Variants in ARHGAP32 observed in about 807,000 individuals in gnomAD.
ARHGAP32 encodes the protein rho GTPase-activating protein 32.
A neutral mutation model predicts 186.5 loss-of-function variants in ARHGAP32; 51 were observed. The ratio of observed to expected loss-of-function variants is 0.27; its 90% CI spans 0.22 to 0.35. The LOEUF (loss-of-function observed/expected upper bound fraction) is 0.35. ARHGAP32 is among the 10% of genes least tolerant of loss of function. ARHGAP32 has a pLI of 1.00. For synonymous variants in ARHGAP32, 950 were observed against 964.3 expected, an observed-to-expected ratio of 0.99 and a Z score of 0.27; for missense variants, 2,186 against 2,623.5, an observed-to-expected ratio of 0.83 and a Z score of 3.64.
intron 6 of ARHGAP32, 130 bp from the exon 7 acceptor site, chr11:129,066,998 GAT>G: frequency 1.4e-6 from 1 of 738,872 alleles, no homozygotes; most frequent in Non-Finnish European, 2.1e-6. Flanking sequence ...CTATTAACTT[GAT>G]AGTTAATAGC....
intron 2 of ARHGAP32, among the ~76,000 whole-genome samples, chr11:129,151,274 A>G (rs1027070905): frequency 2.6e-5 from 4 of 152,208 alleles, no homozygotes; most frequent in African/African-American, 7.2e-5. Flanking sequence ...TGGCAACACA[A>G]TAATAGTGGG....
chr11:128,995,637 G>C (rs985988585), intron 12 of ARHGAP32, among the ~76,000 whole-genome samples: 2 of 152,206 alleles, frequency 1.3e-5, no homozygotes, highest in African/African-American at 4.8e-5. Context: ...CCAGGAGTTC[G>C]AGATCAGCCT....
intron 1 of ARHGAP32, among the ~76,000 whole-genome samples, chr11:129,207,099 G>C (rs1944524155): frequency 6.6e-6 from 1 of 151,994 alleles, no homozygotes; most frequent in Non-Finnish European, 1.5e-5. Context: ...CTTTTTTATG[G>C]CTGCATAGTA....
chr11:129,189,223 C>G (rs550595100), intron 1 of ARHGAP32, among the ~76,000 whole-genome samples: 14 of 152,230 alleles, frequency 9.2e-5, no homozygotes, highest in African/African-American at 3.4e-4. Flanking sequence ...TCATTAAAGT[C>G]TTCACTTTCA....
At chr11:129,266,816 C>T (rs1945406694) in intron 1 of ARHGAP32, among the ~76,000 whole-genome samples, 2 of 152,168 alleles carry the variant, frequency 1.3e-5, no homozygotes, top group Admixed American at 6.5e-5. Context: ...TGCCCATCTG[C>T]AGCCTACGTG....
chr11:129,249,849 C>T (rs969239172), intron 1 of ARHGAP32, among the ~76,000 whole-genome samples: 1 of 151,944 alleles, frequency 6.6e-6, no homozygotes, highest in Non-Finnish European at 1.5e-5. Context: ...ACTCTGAAAT[C>T]CAGTAAATCC....
chr11:129,215,622 T>A (rs1402526201), intron 1 of ARHGAP32, among the ~76,000 whole-genome samples: 1 of 152,064 alleles, frequency 6.6e-6, no homozygotes, highest in African/African-American at 2.4e-5. Flanking sequence ...CTCACATCAC[T>A]CCAACTTCTT....
In ARHGAP32 at chr11:128,974,442, T is replaced by C. The variant is rs758582589; in HGVS notation, c.2755A>G (p.Met919Val). 23 of 1,614,094 alleles carry C rather than the reference T, an allele frequency of 1.4e-5. No individual in the cohort carries two copies. The highest frequency in any genetic ancestry group is 5.5e-5 in the South Asian group (5 of 91,086). Residue 919 changes from methionine to valine, a missense_variant, in exon 21 of 23, where the codon ATG becomes GTG. By Grantham distance (21) the Met-to-Val change is conservative (BLOSUM62 1). Transcript: ENST00000682385. The part of the protein sequence containing the change: ...IGRKLSKSPS[M>V]SISEPISVTL... ...ACTGAAATTGGCTCAGATATGCTCA[T>C]AGAAGGTGATTTGCTTAATTTCCGT...
upstream of ARHGAP32, among the ~76,000 whole-genome samples, chr11:129,193,575 T>C (rs1281551091): frequency 1.5e-4 from 8 of 54,036 alleles, no homozygotes; most frequent in African/African-American, 5.1e-4. Flanking sequence ...ATATAATATA[T>C]ATATATTATA....
chr11:129,099,188 A>G (rs1453384170), intron 5 of ARHGAP32, among the ~76,000 whole-genome samples: 1 of 152,250 alleles, frequency 6.6e-6, no homozygotes, highest in Non-Finnish European at 1.5e-5. Context: ...ATAACAAAGT[A>G]ACATAATTCA....
chr11:129,050,289 T>C (rs996536996), intron 10 of ARHGAP32, among the ~76,000 whole-genome samples: 1 of 152,226 alleles, frequency 6.6e-6, no homozygotes. Flanking sequence ...ATGTATTAAT[T>C]TGCCATTCAC....
intron 10 of ARHGAP32, among the ~76,000 whole-genome samples, chr11:129,042,318 TTTTG>T (rs1591558305): frequency 1.3e-5 from 2 of 152,106 alleles, no homozygotes; most frequent in Non-Finnish European, 2.9e-5. Context: ...ACCTGGCTAA[TTTTG>T]TTTATTTTGT....
chr11:129,217,084 AATTT>A (rs1944657887), intron 1 of ARHGAP32, among the ~76,000 whole-genome samples: 1 of 152,020 alleles, frequency 6.6e-6, no homozygotes, highest in African/African-American at 2.4e-5. Flanking sequence ...TTTGTCCAAT[AATTT>A]ATTTTTCCTT....
At chr11:129,222,806 A>G (rs1330339333) in intron 1 of ARHGAP32, among the ~76,000 whole-genome samples, 1 of 152,210 alleles carries the variant, frequency 6.6e-6, no homozygotes, top group Non-Finnish European at 1.5e-5. Flanking sequence ...ATGTAAAAAG[A>G]TATCACATGG....
intron 1 of ARHGAP32, among the ~76,000 whole-genome samples, chr11:129,235,276 A>G (rs189884791): frequency 2.4e-4 from 36 of 152,216 alleles, no homozygotes; most frequent in Middle Eastern, 3.4e-3. Flanking sequence ...TACCTAACAC[A>G]GCACCTGCCA....
intron 1 of ARHGAP32, among the ~76,000 whole-genome samples, chr11:129,168,026 C>T (rs1241633863): frequency 6.6e-6 from 1 of 152,128 alleles, no homozygotes; most frequent in Non-Finnish European, 1.5e-5. Flanking sequence ...GGGCATATTA[C>T]TTGTGCCCAG....
At position 129,217,877 on chromosome 11, in the gene ARHGAP32, T is replaced by A. The variant is rs79399820; in HGVS notation, c.-4-53450A>T. 2.9e-3 allele frequency among the ~76,000 whole-genome samples: 434 copies of A among 152,266 alleles called. 7 individuals are homozygous for A. Among genetic ancestry groups the A allele is most frequent in the African/African-American group, 0.01 (417 of 41,546 alleles). On this transcript the variant is annotated intron_variant, in intron 1 of 6. Coordinates refer to the ARHGAP32 transcript ENST00000525234. ...ACCTAAGTTCAAATCCCAAACGTGG[T>A]GATTACTGTGGGACCCTGGGCAGGC... is the stretch of plus-strand genomic sequence containing the variant.
At chr11:129,067,651 G>A (rs962827589) in intron 6 of ARHGAP32, among the ~76,000 whole-genome samples, 4 of 152,058 alleles carry the variant, frequency 2.6e-5, no homozygotes, top group Admixed American at 6.6e-5. Flanking sequence ...AGCTCCTGTG[G>A]TGAGTAATGA....
chr11:129,004,163 A>T (rs916335190), intron 11 of ARHGAP32, among the ~76,000 whole-genome samples: 4 of 150,362 alleles, frequency 2.7e-5, no homozygotes, highest in African/African-American at 9.8e-5. Flanking sequence ...ATGTGTTTGT[A>T]TAGTTTCCAA....
Sources: allele counts gnomAD v4.1 joint callset (sites outside exome capture counted in the v4.1 genomes callset), GRCh38; gene constraint gnomAD v4.1.1; transcripts MANE v1.5; gene names NCBI Gene and HGNC (gene_info 2026-07-23, HGNC 2026-07-21).